Variants in TTC28 observed in about 807,000 individuals in gnomAD.
The protein encoded by TTC28 is tetratricopeptide repeat domain 28, also known as tetratricopeptide repeat protein 28.
In TTC28, 61 loss-of-function variants were observed where a neutral mutation model predicts 198.0. The observed-to-expected ratio is 0.31, with a 90% CI of 0.25 to 0.38. TTC28 has a LOEUF of 0.38. TTC28 is among the 10% of genes least tolerant of loss of function. The pLI, the probability that TTC28 is intolerant of heterozygous loss-of-function variation, is 1.00. For synonymous variants in TTC28, 1,171 were observed against 1,297.8 expected (o/e 0.90, Z 2.10); for missense variants, 2,678 against 3,164.0 (o/e 0.85, Z 3.69).
At chr22:28,638,159 A>C (rs192757641) in intron 1 of TTC28, among the ~76,000 whole-genome samples, 1 of 152,260 alleles carries the variant, frequency 6.6e-6, no homozygotes, top group African/African-American at 2.4e-5. Flanking sequence ...GACAGAAACC[A>C]ATACAGAATA....
chr22:28,515,235 C>G (rs961866411), intron 2 of TTC28, among the ~76,000 whole-genome samples: 1 of 152,084 alleles, frequency 6.6e-6, no homozygotes, highest in Admixed American at 6.6e-5. Context: ...TAAAGTTAAA[C>G]ATCCAATTTA....
chr22:28,197,506 G>A (rs1172589528), intron 5 of TTC28, among the ~76,000 whole-genome samples: 1 of 151,856 alleles, frequency 6.6e-6, no homozygotes, highest in Non-Finnish European at 1.5e-5. Flanking sequence ...AAAACTAGAA[G>A]CAAATGTAAG....
intron 2 of TTC28, among the ~76,000 whole-genome samples, chr22:28,464,367 G>A (rs534769877): frequency 6.6e-6 from 1 of 152,278 alleles, no homozygotes; most frequent in Non-Finnish European, 1.5e-5. Context: ...ACAGGGACTT[G>A]GCAAAGCATG....
intron 2 of TTC28, among the ~76,000 whole-genome samples, chr22:28,584,046 G>A (rs1280482986): frequency 2.2e-5 from 3 of 133,850 alleles, no homozygotes; most frequent in African/African-American, 8.4e-5. Context: ...CACAATCATA[G>A]ACAGCTGACT....
intron 2 of TTC28, among the ~76,000 whole-genome samples, chr22:28,427,846 C>T (rs1303362307): frequency 6.6e-6 from 1 of 151,884 alleles, no homozygotes; most frequent in Admixed American, 6.6e-5. Flanking sequence ...GTAAAGAAGT[C>T]TCTCTTCTCC....
intron 5 of TTC28, among the ~76,000 whole-genome samples, chr22:28,285,952 C>T (rs1292429048): frequency 6.6e-6 from 1 of 151,892 alleles, no homozygotes; most frequent in African/African-American, 2.4e-5. Flanking sequence ...CAGTACAAAA[C>T]AATGTAGTTG....
At chr22:28,323,728 C>A (rs1007612543) in intron 2 of TTC28, among the ~76,000 whole-genome samples, 1 of 151,954 alleles carries the variant, frequency 6.6e-6, no homozygotes, top group Non-Finnish European at 1.5e-5. Flanking sequence ...CAGAATTTTG[C>A]CAACCTAGAG....
intron 18 of TTC28, chr22:27,992,997 A>C: frequency 3.6e-6 from 2 of 562,786 alleles, no homozygotes; most frequent in Non-Finnish European, 3.1e-6. Flanking sequence ...GCTGATGACA[A>C]TGGCAGTAGT....
At chr22:28,554,292 A>G (rs2049752200) in intron 2 of TTC28, among the ~76,000 whole-genome samples, 1 of 151,426 alleles carries the variant, frequency 6.6e-6, no homozygotes, top group Non-Finnish European at 1.5e-5. Flanking sequence ...TCACTTGTTT[A>G]TCTGCTGACC....
In TTC28 at chr22:28,550,298, C is replaced by A. The variant is rs16986510; in HGVS notation, c.381+79254G>T. 8.6e-3 allele frequency among the ~76,000 whole-genome samples: 1,316 copies of A among 152,166 alleles called. 18 individuals are homozygous for A. The highest frequency in any genetic ancestry group is 0.03 in the African/African-American group (1,256 of 41,554). On this transcript the variant is annotated intron_variant, in intron 2 of 22. Coordinates refer to ENST00000397906, the MANE Select transcript of TTC28 (RefSeq NM_001145418.2). ...AATTTTAGCCAAAGCAGTTTAAGAT[C>A]CCATTTCCCTTTGAAAGCACAAAAT...
At chr22:28,351,733 A>G (rs1439280842) in intron 2 of TTC28, among the ~76,000 whole-genome samples, 1 of 152,222 alleles carries the variant, frequency 6.6e-6, no homozygotes, top group Non-Finnish European at 1.5e-5. Context: ...TGAGAAAATT[A>G]AAGTAGCTCT....
intron 5 of TTC28, among the ~76,000 whole-genome samples, chr22:28,276,658 TG>T (rs2044479081): frequency 6.6e-6 from 1 of 152,202 alleles, no homozygotes; most frequent in Admixed American, 6.5e-5. Context: ...TGCTAAACAC[TG>T]TGCTAAATAC....
Position 27,982,731 on chromosome 22 carries a change from G to A in TTC28, c.6936C>T (p.His2312=). ...SPRNMSPSSG[H]QSPAGSAPSP... ...AGGGTGCACTGCCAGCAGGAGACTGGTGGCCGGAGCTTGGGGACATGTTCC... is the reference window on the plus strand; with the variant it reads ...AGGGTGCACTGCCAGCAGGAGACTGATGGCCGGAGCTTGGGGACATGTTCC... Residue 2312 remains histidine, a synonymous_variant, in exon 23 of 23, where the codon CAC becomes CAT. Coordinates refer to ENST00000397906, the MANE Select transcript of TTC28 (RefSeq NM_001145418.2). This position sits in a 1 kb window ranked among gnomAD's most constrained non-coding sequence, Gnocchi z 5.2. 2 of 1,551,636 alleles carry A rather than the reference G, an allele frequency of 1.3e-6. No homozygotes were observed. Among genetic ancestry groups the A allele is most frequent in the East Asian group, 2.4e-5 (1 of 40,890 alleles).
intron 2 of TTC28, among the ~76,000 whole-genome samples, chr22:28,348,697 T>C (rs538419167): frequency 1.1e-4 from 17 of 152,334 alleles, no homozygotes; most frequent in South Asian, 4.1e-4. Context: ...TTAAGAGTTA[T>C]AGACTACTGC....
At chr22:28,609,991 G>C (rs1374023874) in intron 2 of TTC28, among the ~76,000 whole-genome samples, 7 of 152,082 alleles carry the variant, frequency 4.6e-5, no homozygotes, top group Non-Finnish European at 8.8e-5. Flanking sequence ...ACTCGGTATA[G>C]CCCACCACAG....
intron 1 of TTC28, among the ~76,000 whole-genome samples, chr22:28,671,868 G>T (rs1054378556): frequency 2.6e-5 from 4 of 151,434 alleles, no homozygotes; most frequent in African/African-American, 9.7e-5. Context: ...TAGAGACAGG[G>T]TTTCACCATG....
intron 12 of TTC28, among the ~76,000 whole-genome samples, chr22:28,071,153 T>C (rs576010111): frequency 2.7e-4 from 41 of 152,224 alleles, no homozygotes; most frequent in Non-Finnish European, 5.6e-4. Flanking sequence ...CAGAAAATGA[T>C]GTGTTATCTC....
At chr22:28,638,865 T>G (rs945407351) in intron 1 of TTC28, among the ~76,000 whole-genome samples, 2 of 152,070 alleles carry the variant, frequency 1.3e-5, no homozygotes, top group East Asian at 3.8e-4. Flanking sequence ...GAGGTCTCGC[T>G]ATATTGCCCA....
chr22:28,311,564 TA>T (rs2045257491), intron 2 of TTC28, among the ~76,000 whole-genome samples: 1 of 152,148 alleles, frequency 6.6e-6, no homozygotes, highest in South Asian at 2.1e-4. Flanking sequence ...ATGGGATACA[TA>T]AGATAGTTTA....
Sources: allele counts gnomAD v4.1 joint callset (sites outside exome capture counted in the v4.1 genomes callset), GRCh38; gene constraint gnomAD v4.1.1; non-coding constraint Gnocchi (gnomAD v3.1); transcripts MANE v1.5; gene names NCBI Gene and HGNC (gene_info 2026-07-23, HGNC 2026-07-21).